TACR2: variants seen among roughly 807,000 people sequenced by gnomAD.
The protein encoded by TACR2 is tachykinin receptor 2.
TACR2 carries 24 observed loss-of-function variants against 28.9 expected under a neutral mutation model. The ratio of observed to expected loss-of-function variants is 0.83; its 90% confidence interval spans 0.60 to 1.17. The LOEUF (loss-of-function observed/expected upper bound fraction) is 1.17. TACR2 is among the 50% of genes most tolerant of loss of function. TACR2 has a pLI of 0.00. For missense variants in TACR2, 487 were observed against 524.4 expected (o/e 0.93, Z 0.70); for synonymous variants, 222 against 212.6 (o/e 1.04, Z -0.38).
intron 2 of TACR2, 93 bp from the exon 3 acceptor site, chr10:69,409,168 G>C: frequency 7.5e-7 from 1 of 1,328,688 alleles, no homozygotes. Flanking sequence ...GGGCACTGTG[G>C]AGCCGCCCCT....
At position 69,409,068 on chromosome 10, in the gene TACR2, G is replaced by T; in HGVS notation, c.595C>A (p.Leu199Ile). Residue 199 changes from leucine (L) to isoleucine (I), a missense_variant, in exon 3 of 5, where the codon CTC (leucine) becomes ATC (isoleucine). Physicochemically the swap from Leu to Ile is conservative, Grantham distance 5. Coordinates refer to ENST00000373306, the MANE Select transcript of TACR2 (RefSeq NM_001057.3). ...SGGKTLLLYH[L>I]VVIALIYFLP... is the part of the protein sequence containing the mutation. ...AAGTAGATGAGGGCGATCACCACGA[G>T]GTGGTACCTGCAGGGAGAGCCGAGG... 2.5e-6 allele frequency: 4 copies of T among 1,602,816 alleles called. No homozygotes were observed. Among genetic ancestry groups the T allele is most frequent in the Non-Finnish European group, 3.4e-6 (4 of 1,176,640 alleles).
Position 69,416,632 on chromosome 10 carries a change from T to G in TACR2, c.-309A>C, listed in dbSNP as rs770270752. 2 of 277,830 alleles carry G rather than the reference T, an allele frequency of 7.2e-6. No homozygotes were observed. Among genetic ancestry groups the G allele is most frequent in the African/African-American group, 2.2e-5 (1 of 45,788 alleles). 17.2% of individuals were successfully genotyped at this position (277,830 alleles called of 1,614,324 possible). A position where few individuals can be genotyped will look rare whatever the true frequency, so the allele number is the denominator to read the frequency against. On this transcript the variant is annotated 5_prime_UTR_variant, in exon 1 of 5. Coordinates refer to ENST00000373306, the MANE Select transcript of TACR2 (RefSeq NM_001057.3). The stretch of plus-strand genomic sequence containing the variant: ...TCAGAGCAGAAAACACCCTTATAAA[T>G]CAACCCCTTCGCTGAAGAGATGGAA...
rs754636595 is a variant in TACR2 at position 69,408,961 on chromosome 10, C to A, written c.702G>T (p.Ala234=). The change falls in exon 3 of 5, where the codon GCG becomes GCT. Residue 234 remains alanine, a synonymous_variant. Coordinates refer to ENST00000373306, the MANE Select transcript of TACR2 (RefSeq NM_001057.3). ...GCAGGTGGCGCAGGTTGGCACCGTGCGCCTGATGTCCGGGCACTGCGCGCC... is the reference window on the plus strand; with the variant it reads ...GCAGGTGGCGCAGGTTGGCACCGTGAGCCTGATGTCCGGGCACTGCGCGCC... ...LWRRAVPGHQ[A]HGANLRHLQA... is the part of the protein sequence containing the mutation. 7 of 1,594,864 alleles carry A rather than the reference C, an allele frequency of 4.4e-6. No individual in the cohort carries two copies. The highest frequency in any genetic ancestry group is 2.4e-5 in the East Asian group (1 of 42,080).
In TACR2 at chr10:69,415,017, A is replaced by G. The variant is rs1170811836; in HGVS notation, c.515T>C (p.Val172Ala). 6.2e-7 allele frequency: 1 copy of G among 1,613,750 alleles called. No individual in the cohort carries two copies. Among genetic ancestry groups the G allele is most frequent in the African/African-American group, 1.3e-5 (1 of 74,920 alleles). ...LASPQCFYST[V>A]TMDQGATKCV... ...CTTGGTGGCACCCTGGTCCATGGTG[A>G]CGGTGGAGTAGAAGCACTGAGGGGA... is the stretch of plus-strand genomic sequence containing the variant. Residue 172 changes from valine (V) to alanine (A), a missense_variant, in exon 2 of 5, where the codon GTC (valine) becomes GCC (alanine). Transcript: ENST00000373306.
rs200471172 is a variant in TACR2, at chr10:69,405,079, C to G, written c.944G>C (p.Arg315Pro). The G allele has an allele frequency of 5.6e-6, 9 of 1,613,274 alleles. No homozygotes were observed. Among genetic ancestry groups the G allele is most frequent in the Non-Finnish European group, 7.6e-6 (9 of 1,179,446 alleles). ...IIYCCLNHRF[R>P]SGFRLAFRCC... ...GCGGAAGGCAAGCCGGAATCCAGAG[C>G]GAAACCTGGGGGAGCGAGGGGCACC... The change falls in exon 5 of 5, where the codon CGC (arginine) becomes CCC (proline). Residue 315 changes from arginine to proline, a missense_variant. Physicochemically the swap from Arg to Pro is moderately radical, Grantham distance 103. Coordinates refer to ENST00000373306, the MANE Select transcript of TACR2 (RefSeq NM_001057.3).
At chr10:69,408,651 G>C (rs1840526750) in intron 3 of TACR2, among the ~76,000 whole-genome samples, 1 of 152,120 alleles carries the variant, frequency 6.6e-6, no homozygotes, top group South Asian at 2.1e-4. Context: ...AGGCAAATCC[G>C]CCCGGCTGGG....
chr10:69,405,448 T>G (rs11510952), intron 4 of TACR2, among the ~76,000 whole-genome samples: 76,858 of 152,036 alleles, frequency 0.51, 19,878 homozygotes, highest in South Asian at 0.66. Flanking sequence ...TTCTAAGGGA[T>G]GAGTCAAAGA....
chr10:69,409,390 C>T (rs566042260), intron 2 of TACR2: 41 of 224,066 alleles, frequency 1.8e-4, no homozygotes, highest in African/African-American at 8.6e-4. Flanking sequence ...AATTTGTTTG[C>T]AATTTAAAAT....
chr10:69,405,351 G>C (rs12240873), intron 4 of TACR2, among the ~76,000 whole-genome samples: 8,739 of 152,168 alleles, frequency 0.057, 748 homozygotes, highest in African/African-American at 0.19. Flanking sequence ...AACAAAAAAT[G>C]ACCCCAGCAT....
chr10:69,415,624 AG>A (rs1435222713), intron 1 of TACR2, among the ~76,000 whole-genome samples: 1 of 152,254 alleles, frequency 6.6e-6, no homozygotes, highest in Non-Finnish European at 1.5e-5. Context: ...AACAAAACAA[AG>A]ATCAACTCCA....
At chr10:69,414,701 A>G (rs1840596690) in intron 2 of TACR2, among the ~76,000 whole-genome samples, 2 of 152,204 alleles carry the variant, frequency 1.3e-5, no homozygotes, top group African/African-American at 4.8e-5. Flanking sequence ...TATATCCCAC[A>G]TAGTTAGGAG....
intron 3 of TACR2, among the ~76,000 whole-genome samples, chr10:69,408,045 A>G (rs887484374): frequency 1.3e-5 from 2 of 152,208 alleles, no homozygotes; most frequent in African/African-American, 4.8e-5. Flanking sequence ...TGATGTGGTT[A>G]ACCCATTACC....
intron 1 of TACR2, 98 bp from the exon 2 acceptor site, chr10:69,415,237 A>G (rs1840603448): frequency 7.6e-7 from 1 of 1,310,122 alleles, no homozygotes. Flanking sequence ...CACGCCTTCT[A>G]GCCATTCCCC....
chr10:69,405,407 G>A (rs1487304385), intron 4 of TACR2, among the ~76,000 whole-genome samples: 1 of 152,180 alleles, frequency 6.6e-6, no homozygotes, highest in Non-Finnish European at 1.5e-5. Flanking sequence ...AAAAAAACCA[G>A]CAGATGTTCT....
rs1378868500 is a variant in TACR2, at chr10:69,407,210, A to G, written c.812T>C (p.Ile271Thr). The change falls in exon 4 of 5, where the codon ATC becomes ACC. Residue 271 changes from isoleucine (I) to threonine (T), a missense_variant. By Grantham distance (89) the Ile-to-Thr change is moderately conservative. Transcript: ENST00000373306. ...ICWLPYHLYF[I>T]LGSFQEDIYC... Reference sequence around the variant, plus strand: ...GATGTCCTCCTGGAAGCTGCCCAGGATGAAGTAGAGGTGGTAGGGCAGCCA... The same window carrying G: ...GATGTCCTCCTGGAAGCTGCCCAGGGTGAAGTAGAGGTGGTAGGGCAGCCA... 3.1e-6 allele frequency: 5 copies of G among 1,613,828 alleles called. No homozygotes were observed. The Admixed American group carries it at 8.3e-5, about 27-fold the overall frequency.
intron 2 of TACR2, 33 bp from the exon 3 acceptor site, chr10:69,409,108 G>A (rs369907380): frequency 6.6e-7 from 1 of 1,520,122 alleles, no homozygotes; most frequent in Non-Finnish European, 8.8e-7. Context: ...GGCAGCGGAG[G>A]GCCCGGGGGC....
intron 3 of TACR2, 50 bp from the exon 4 acceptor site, chr10:69,407,330 C>T (rs1441877037): frequency 6.4e-7 from 1 of 1,554,360 alleles, no homozygotes. Context: ...GCCCCAGCCC[C>T]AGCCCTCCGA....
In TACR2 at chr10:69,415,932, C is replaced by T; in HGVS notation, c.392G>A (p.Arg131Lys). 6 of 1,612,088 alleles carry T rather than the reference C, an allele frequency of 3.7e-6. No individual in the cohort carries two copies. The highest frequency in any genetic ancestry group is 4.2e-6 in the Non-Finnish European group (5 of 1,178,180). ...CCAGCTTCCCCAAGGACCCTCTTGC[C>T]TGTCGGCAGCAATGGCGGTCATGGA... is the stretch of plus-strand genomic sequence containing the variant. ...IYSMTAIAAD[R>K]YMAIVHPFQP... is the part of the protein sequence containing the mutation. The change falls in exon 1 of 5, where the codon AGG becomes AAG. Residue 131 changes from arginine to lysine, a missense_variant and splice_region_variant. Arg to Lys is a conservative substitution (Grantham distance 26). Coordinates refer to ENST00000373306, the MANE Select transcript of TACR2 (RefSeq NM_001057.3).
At chr10:69,409,904 C>CATATATATACATATAT (rs1840550971) in intron 2 of TACR2, among the ~76,000 whole-genome samples, 1 of 34,672 alleles carries the variant, frequency 2.9e-5, no homozygotes, top group Non-Finnish European at 5.0e-5. Flanking sequence ...TATATATATA[C>CATATATATACATATAT]ATATATATAT....
Sources: allele counts gnomAD v4.1 joint callset (sites outside exome capture counted in the v4.1 genomes callset), GRCh38; gene constraint gnomAD v4.1.1; transcripts MANE v1.5; gene names NCBI Gene and HGNC (gene_info 2026-07-23, HGNC 2026-07-21).